Variants in SVOPL observed in about 807,000 individuals in gnomAD.
SVOPL encodes putative transporter SVOPL.
In SVOPL, 60 loss-of-function variants were observed where a neutral mutation model predicts 61.0. That is an observed-to-expected ratio of 0.98 (90% CI 0.80 to 1.22). The LOEUF is 1.22. Among genes scored for constraint, SVOPL ranks in the 50% most tolerant of loss-of-function variants. SVOPL has a pLI of 0.00. For synonymous variants in SVOPL, 279 were observed against 250.0 expected (o/e 1.12, Z -1.09); for missense variants, 662 against 643.9 (o/e 1.03, Z -0.30).
intron 1 of SVOPL, among the ~76,000 whole-genome samples, chr7:138,680,168 C>CTTTTT (rs1232394704): frequency 7.4e-6 from 1 of 135,278 alleles, no homozygotes; most frequent in Non-Finnish European, 1.6e-5. Flanking sequence ...ATGTCATTGT[C>CTTTTT]TTTTTTTTTT....
intron 1 of SVOPL, among the ~76,000 whole-genome samples, chr7:138,694,501 C>A (rs1803024552): frequency 6.6e-6 from 1 of 151,850 alleles, no homozygotes; most frequent in African/African-American, 2.4e-5. Flanking sequence ...CTGCCTCTGC[C>A]TCCCAAAGTG....
intron 3 of SVOPL, among the ~76,000 whole-genome samples, chr7:138,677,825 C>T (rs939339797): frequency 4.7e-5 from 7 of 149,024 alleles, no homozygotes; most frequent in East Asian, 2.0e-4. Context: ...TGCAGTGGCG[C>T]GATCTCAGCT....
chr7:138,634,253 T>A lies in SVOPL; in HGVS notation c.790-4131A>T, dbSNP rs1304203953. 3.9e-5 allele frequency among the ~76,000 whole-genome samples: 6 copies of A among 152,114 alleles called. No individual in the cohort carries two copies. The South Asian group carries it at 1.2e-3, about 32-fold the overall frequency. On this transcript the variant is annotated intron_variant, in intron 9 of 15. Coordinates refer to ENST00000674285, the MANE Select transcript of SVOPL (RefSeq NM_001139456.2). The stretch of plus-strand genomic sequence containing the variant: ...CTGGTGCAGTAGCACACACCTATTA[T>A]CCCAGCACTTTAGGAGGCAGAGATG...
At position 138,622,613 on chromosome 7, in the gene SVOPL, A is replaced by G. The variant is rs1049999696; in HGVS notation, c.1264-1478T>C. ...TGAGCCACCATGCCCAGCCCTTTTT[A>G]ACATTTTATTAAATTTTTATTTTTA... is the stretch of plus-strand genomic sequence containing the variant. On this transcript the variant is annotated intron_variant, in intron 13 of 15. Transcript: ENST00000674285. Among the ~76,000 whole-genome samples, 3 of 148,748 alleles carry G rather than the reference A, an allele frequency of 2.0e-5. No homozygotes were observed. The East Asian group carries it at 5.9e-4, about 29-fold the overall frequency.
At chr7:138,595,333 G>A (rs1334172168) in intron 15 of SVOPL, among the ~76,000 whole-genome samples, 1 of 150,658 alleles carries the variant, frequency 6.6e-6, no homozygotes, top group Non-Finnish European at 1.5e-5. Flanking sequence ...AGTGGGTGTG[G>A]GTGTGTATTT....
intron 1 of SVOPL, among the ~76,000 whole-genome samples, chr7:138,682,040 C>T (rs772294328): frequency 5.9e-5 from 9 of 152,104 alleles, no homozygotes; most frequent in Non-Finnish European, 1.0e-4. Context: ...TAGTAAATAT[C>T]TTGACTTTTT....
intron 5 of SVOPL, chr7:138,662,289 C>T: frequency 1.0e-6 from 1 of 985,460 alleles, no homozygotes; most frequent in Non-Finnish European, 1.2e-6. Flanking sequence ...GGCTTTAAAA[C>T]TTGCATCTGT....
chr7:138,622,352 T>C (rs1046188035), intron 13 of SVOPL, among the ~76,000 whole-genome samples: 4 of 152,170 alleles, frequency 2.6e-5, no homozygotes, highest in African/African-American at 7.2e-5. Context: ...TGGAGCACAA[T>C]GGTGCAATTT....
Position 138,679,070 on chromosome 7 carries a change from A to G in SVOPL, c.-25T>C, listed in dbSNP as rs1802643405. On this transcript the variant is annotated 5_prime_UTR_variant, in exon 2 of 16. Transcript: ENST00000674285. Reference sequence around the variant, plus strand: ...TCTTCTAAATAGCTCAAGTTCCCCAAACAGCTTCCCTGGTGGAAGCAAGGG... The same window carrying G: ...TCTTCTAAATAGCTCAAGTTCCCCAGACAGCTTCCCTGGTGGAAGCAAGGG... 1 of 1,544,978 alleles carries G rather than the reference A, an allele frequency of 6.5e-7. No individual in the cohort carries two copies.
intron 14 of SVOPL, chr7:138,596,833 C>A (rs184835847): frequency 8.1e-6 from 9 of 1,106,786 alleles, no homozygotes; most frequent in Non-Finnish European, 8.9e-6. Flanking sequence ...GGGATCTGCC[C>A]GTTTCCCCAC....
Position 138,596,427 on chromosome 7 carries a change from C to G in SVOPL, c.1457G>C (p.Arg486Pro), listed in dbSNP as rs145071968. ...CCCTGCATCACTCACCTGGAGGGCCCGTCCTTTGGTTTCGATGGGGAGAGT... is the reference window on the plus strand; with the variant it reads ...CCCTGCATCACTCACCTGGAGGGCCGGTCCTTTGGTTTCGATGGGGAGAGT... ...AFTLPIETKG[R>P]ALQQIK Residue 486 changes from arginine (R) to proline (P), a missense_variant, in exon 15 of 16, where the codon CGG becomes CCG. Coordinates refer to ENST00000674285, the MANE Select transcript of SVOPL (RefSeq NM_001139456.2). 3.7e-6 allele frequency: 6 copies of G among 1,613,534 alleles called. No homozygotes were observed. The highest frequency in any genetic ancestry group is 5.1e-6 in the Non-Finnish European group (6 of 1,179,792).
At chr7:138,677,850 C>A (rs1802607182) in intron 3 of SVOPL, among the ~76,000 whole-genome samples, 1 of 151,650 alleles carries the variant, frequency 6.6e-6, no homozygotes, top group African/African-American at 2.4e-5. Context: ...GCAACCTCCG[C>A]CTCCTGGGTT....
At chr7:138,678,178 C>T (rs77063700) in intron 3 of SVOPL, among the ~76,000 whole-genome samples, 2 of 151,864 alleles carry the variant, frequency 1.3e-5, no homozygotes, top group East Asian at 1.9e-4. Context: ...CCTGAAAGTC[C>T]CCCCTCCCCC....
chr7:138,679,524 C>T (rs1802655505), intron 1 of SVOPL, among the ~76,000 whole-genome samples: 1 of 152,116 alleles, frequency 6.6e-6, no homozygotes, highest in South Asian at 2.1e-4. Context: ...CCGCCCACCT[C>T]GGCTTCCCAA....
At chr7:138,678,603 C>T in intron 2 of SVOPL, 78 bp from the exon 3 acceptor site, 1 of 1,396,468 alleles carries the variant, frequency 7.2e-7, no homozygotes, top group East Asian at 2.5e-5. Context: ...TTCAGAAAGC[C>T]AACCCATTAT....
chr7:138,664,857 C>T (rs1411372992), intron 4 of SVOPL, among the ~76,000 whole-genome samples: 1 of 114,044 alleles, frequency 8.8e-6, no homozygotes, highest in Admixed American at 8.9e-5. Flanking sequence ...CCCTTCTCCC[C>T]AACTCCCGCC....
At position 138,621,866 on chromosome 7, in the gene SVOPL, C is replaced by CTATG. The variant is rs1563095578; in HGVS notation, c.1264-732_1264-731insCATA. 4.3e-3 allele frequency among the ~76,000 whole-genome samples: 169 copies of CTATG among 38,932 alleles called. 8 individuals carry two copies. Among genetic ancestry groups the CTATG allele is most frequent in the South Asian group, 5.9e-3 (5 of 854 alleles). The allele number at this position is 38,932 out of a possible 152,430, so 25.5% of individuals were successfully genotyped here. A position where few individuals can be genotyped will look rare whatever the true frequency, so the allele number is the denominator to read the frequency against. On this transcript the variant is annotated intron_variant, in intron 13 of 15. Coordinates refer to ENST00000674285, the MANE Select transcript of SVOPL (RefSeq NM_001139456.2). ...TCTATGTATCTATCTATCTATCTAT[C>CTATG]TATCTATCTATCTATCTATCTATCT...
chr7:138,692,930 G>A (rs1056387657), intron 1 of SVOPL, among the ~76,000 whole-genome samples: 1 of 152,168 alleles, frequency 6.6e-6, no homozygotes, highest in Non-Finnish European at 1.5e-5. Context: ...AAGGTGGAGG[G>A]ATTGGTAGGC....
intron 9 of SVOPL, among the ~76,000 whole-genome samples, chr7:138,634,546 G>T (rs1319467264): frequency 6.6e-6 from 1 of 152,110 alleles, no homozygotes; most frequent in Middle Eastern, 3.4e-3. Flanking sequence ...TATTCAGGAG[G>T]CAGAGGCAGG....
Sources: gnomAD v4.1 joint callset for allele counts (sites outside exome capture counted in the v4.1 genomes callset) on GRCh38, gnomAD v4.1.1 for gene constraint, MANE v1.5 for transcripts, NCBI Gene and HGNC (gene_info 2026-07-23, HGNC 2026-07-21) for gene names.